ZNF385D: variants seen among roughly 807,000 people sequenced by gnomAD.
The protein encoded by ZNF385D is zinc finger protein 385D, also known as zinc finger protein 659.
Under a neutral mutation model 35.8 loss-of-function variants are expected in ZNF385D, and 15 were observed. The ratio of observed to expected loss-of-function variants is 0.42; its 90% CI spans 0.28 to 0.64. The LOEUF (loss-of-function observed/expected upper bound fraction) is 0.64. ZNF385D is among the 30% of genes least tolerant of loss of function. The pLI is 0.23. For synonymous variants in ZNF385D, 212 were observed against 186.8 expected (o/e 1.13, Z -1.10); for missense variants, 474 against 494.6 (o/e 0.96, Z 0.39).
chr3:21,806,836 A>C (rs1043151508), intron 3 of ZNF385D, among the ~76,000 whole-genome samples: 1 of 152,254 alleles, frequency 6.6e-6, no homozygotes, highest in Admixed American at 6.5e-5. Context: ...TCAAAGAGTG[A>C]AACTTCAGAC....
chr3:22,090,838 C>G (rs148147062), intron 3 of ZNF385D, among the ~76,000 whole-genome samples: 49 of 152,260 alleles, frequency 3.2e-4, no homozygotes, highest in Non-Finnish European at 5.6e-4. Flanking sequence ...AGGAGACTAG[C>G]CTTCCTTGGC....
At chr3:21,614,033 G>T (rs2064768608) in intron 2 of ZNF385D, among the ~76,000 whole-genome samples, 1 of 152,208 alleles carries the variant, frequency 6.6e-6, no homozygotes, top group Non-Finnish European at 1.5e-5. Context: ...AAGGACCCTA[G>T]ATGACAAAGG....
At chr3:21,876,013 C>T in intron 3 of ZNF385D, among the ~76,000 whole-genome samples, 1 of 152,008 alleles carries the variant, frequency 6.6e-6, no homozygotes, top group Admixed American at 6.6e-5. Context: ...ATTTAAAATC[C>T]AGAAAGAAAA....
chr3:22,034,575 T>G (rs1190111477), intron 3 of ZNF385D, among the ~76,000 whole-genome samples: 1 of 152,130 alleles, frequency 6.6e-6, no homozygotes, highest in African/African-American at 2.4e-5. Flanking sequence ...ATTGTAAAAA[T>G]ATGTATTAAT....
rs191675118 is a variant in ZNF385D, at chr3:22,092,916, C to T, written c.325+75901G>A. Among the ~76,000 whole-genome samples the T allele has an allele frequency of 4.2e-3, 640 of 152,136 alleles. 1 individual carries two copies. Among genetic ancestry groups the T allele is most frequent in the Non-Finnish European group, 7.2e-3 (492 of 67,998 alleles). On this transcript the variant is annotated intron_variant, in intron 3 of 5. Coordinates refer to the ZNF385D transcript ENST00000494108. ...CTCTATTATTTATAACTCATCTATTCTTGAAATTACTAAAGCAAATTAGAT... is the reference window on the plus strand; with the variant it reads ...CTCTATTATTTATAACTCATCTATTTTTGAAATTACTAAAGCAAATTAGAT...
chr3:21,814,482 G>C (rs543733845), intron 3 of ZNF385D, among the ~76,000 whole-genome samples: 1 of 152,158 alleles, frequency 6.6e-6, no homozygotes, highest in Non-Finnish European at 1.5e-5. Context: ...TAAAGGGATG[G>C]AGGAAGATCT....
At chr3:21,424,180 C>T (rs554129292) in intron 6 of ZNF385D, 116 bp from the exon 7 acceptor site, 1 of 895,040 alleles carries the variant, frequency 1.1e-6, no homozygotes, top group Non-Finnish European at 1.6e-6. Context: ...TTCAGAAAGA[C>T]AAAAATAAAA....
At chr3:21,879,162 T>C (rs1698138394) in intron 3 of ZNF385D, among the ~76,000 whole-genome samples, 1 of 152,080 alleles carries the variant, frequency 6.6e-6, no homozygotes, top group African/African-American at 2.4e-5. Context: ...AATTTACCTC[T>C]TGTTGAATTT....
chr3:21,908,584 T>C (rs1177167554), intron 3 of ZNF385D, among the ~76,000 whole-genome samples: 1 of 151,992 alleles, frequency 6.6e-6, no homozygotes, highest in Non-Finnish European at 1.5e-5. Flanking sequence ...CAAGGAAAGA[T>C]TACCTACAAC....
chr3:21,703,566 C>T lies in ZNF385D; in HGVS notation c.23-38538G>A, dbSNP rs13322288. 4.6e-3 allele frequency among the ~76,000 whole-genome samples: 695 copies of T among 152,066 alleles called. 7 individuals carry two copies. The highest frequency in any genetic ancestry group is 0.016 in the African/African-American group (661 of 41,466). ...TGTTTTCCATTACACAGTTTCAGCA[C>T]GCCATTTATTTCTTGCTGGGTGTGT... On this transcript the variant is annotated intron_variant, in intron 1 of 7. Coordinates refer to ENST00000281523, the MANE Select transcript of ZNF385D (RefSeq NM_024697.3).
chr3:21,598,391 A>G (rs1264582092), intron 2 of ZNF385D, among the ~76,000 whole-genome samples: 1 of 152,254 alleles, frequency 6.6e-6, no homozygotes, highest in Non-Finnish European at 1.5e-5. Context: ...TAGAAAACAT[A>G]GAAGCATTTT....
At chr3:21,602,452 G>A (rs2064325748) in intron 2 of ZNF385D, among the ~76,000 whole-genome samples, 1 of 150,242 alleles carries the variant, frequency 6.7e-6, no homozygotes, top group Non-Finnish European at 1.5e-5. Flanking sequence ...GGAGACCCAA[G>A]TACTAGCGCA....
Position 22,014,387 on chromosome 3 carries a change from G to C in ZNF385D, c.325+154430C>G, listed in dbSNP as rs76451436. The stretch of plus-strand genomic sequence containing the variant: ...TCACCTGCCTAGACAGTGAAATCTC[G>C]AAAGATAACAATCCTACAAGATGCC... On this transcript the variant is annotated intron_variant, in intron 3 of 5. Coordinates refer to the ZNF385D transcript ENST00000494108. 3.8e-4 allele frequency among the ~76,000 whole-genome samples: 58 copies of C among 152,106 alleles called. 1 individual carries two copies. The East Asian group carries it at 0.011, about 29-fold the overall frequency.
intron 2 of ZNF385D, among the ~76,000 whole-genome samples, chr3:22,169,380 C>G (rs750955316): frequency 2.6e-5 from 4 of 152,318 alleles, no homozygotes; most frequent in Admixed American, 6.5e-5. Context: ...TAAGGTCACA[C>G]AGCTAACAAG....
At chr3:22,248,713 G>A (rs1576560947) in intron 2 of ZNF385D, among the ~76,000 whole-genome samples, 1 of 152,198 alleles carries the variant, frequency 6.6e-6, no homozygotes, top group East Asian at 1.9e-4. Context: ...AAATAGGGCT[G>A]CAAATTTTTT....
At chr3:21,881,662 G>T (rs959634509) in intron 3 of ZNF385D, among the ~76,000 whole-genome samples, 4 of 151,908 alleles carry the variant, frequency 2.6e-5, no homozygotes, top group South Asian at 2.1e-4. Context: ...TTATATTTAA[G>T]AAAAACATTT....
intron 2 of ZNF385D, among the ~76,000 whole-genome samples, chr3:21,621,897 G>A (rs891409729): frequency 6.7e-6 from 1 of 149,980 alleles, no homozygotes; most frequent in African/African-American, 2.4e-5. Flanking sequence ...GTGTGTGTGC[G>A]TGCACGCACG....
intron 3 of ZNF385D, among the ~76,000 whole-genome samples, chr3:21,890,126 T>G (rs1334356661): frequency 2.0e-5 from 3 of 152,138 alleles, no homozygotes; most frequent in Non-Finnish European, 4.4e-5. Flanking sequence ...TATATCTTTT[T>G]GGGGAGATGC....
At chr3:21,897,671 T>C (rs1056305500) in intron 3 of ZNF385D, among the ~76,000 whole-genome samples, 11 of 152,050 alleles carry the variant, frequency 7.2e-5, no homozygotes, top group Non-Finnish European at 1.3e-4. Context: ...ATCTGGTGGA[T>C]TGGATGACAT....
Sources: allele counts gnomAD v4.1 joint callset (sites outside exome capture counted in the v4.1 genomes callset), GRCh38; gene constraint gnomAD v4.1.1; transcripts MANE v1.5; gene names NCBI Gene and HGNC (gene_info 2026-07-23, HGNC 2026-07-21).